Variants in COMMD10 observed in about 807,000 individuals in gnomAD.
COMMD10 encodes the protein COMM domain-containing protein 10.
COMMD10 carries 33 observed loss-of-function variants against 28.9 expected under a neutral mutation model. The observed-to-expected ratio is 1.14, with a 90% CI of 0.87 to 1.53. The LOEUF (loss-of-function observed/expected upper bound fraction) is 1.53, where lower values mean the gene tolerates loss of function less well. Among genes scored for constraint, COMMD10 ranks in the 40% most tolerant of loss-of-function variants. The pLI is 0.00. For synonymous variants in COMMD10, 110 were observed against 81.7 expected, an observed-to-expected ratio of 1.35 and a Z score of -1.87; for missense variants, 310 against 233.4, an observed-to-expected ratio of 1.33 and a Z score of -2.14.
intron 5 of COMMD10, among the ~76,000 whole-genome samples, chr5:116,149,299 A>G (rs1362979297): frequency 7.0e-6 from 1 of 143,716 alleles, no homozygotes; most frequent in Non-Finnish European, 1.5e-5. Context: ...TATTGTGAAT[A>G]GTGCCGCAAT....
chr5:116,266,250 G>A (rs1219635565), intron 5 of COMMD10, among the ~76,000 whole-genome samples: 1 of 151,602 alleles, frequency 6.6e-6, no homozygotes, highest in Non-Finnish European at 1.5e-5. Flanking sequence ...ACCTTTGAAT[G>A]TAATGCATGT....
chr5:116,121,005 TAAG>T (rs1751412236), intron 4 of COMMD10, among the ~76,000 whole-genome samples: 2 of 152,322 alleles, frequency 1.3e-5, no homozygotes, highest in Middle Eastern at 3.4e-3. Context: ...AATTATACTT[TAAG>T]TTCTAGGATA....
chr5:116,092,215 G>A (rs1750320175), intron 3 of COMMD10, among the ~76,000 whole-genome samples: 1 of 152,298 alleles, frequency 6.6e-6, no homozygotes, highest in Admixed American at 6.5e-5. Flanking sequence ...AAATTATTAA[G>A]TGAAATAAAT....
chr5:116,241,583 C>CTTATTTATTTATTTATTTATTTAT (rs61328599), intron 5 of COMMD10, among the ~76,000 whole-genome samples: 3 of 140,448 alleles, frequency 2.1e-5, no homozygotes, highest in Non-Finnish European at 4.6e-5. Context: ...ACTCTGCTTT[C>CTTATTTATTTATTTATTTATTTAT]TTATTTATTT....
intron 5 of COMMD10, among the ~76,000 whole-genome samples, chr5:116,161,562 T>A (rs375395633): frequency 6.6e-6 from 1 of 152,074 alleles, no homozygotes; most frequent in Non-Finnish European, 1.5e-5. Context: ...CCAATAACAG[T>A]CAACACATAT....
intron 5 of COMMD10, among the ~76,000 whole-genome samples, chr5:116,135,497 A>G (rs1208828338): frequency 6.6e-6 from 1 of 152,174 alleles, no homozygotes; most frequent in Non-Finnish European, 1.5e-5. Context: ...CTTAGTGGTT[A>G]GAGTCAAGCT....
In COMMD10 at chr5:116,292,925, A is replaced by G; in HGVS notation, c.*436A>G. On this transcript the variant is annotated 3_prime_UTR_variant, in exon 7 of 7. Coordinates refer to ENST00000274458, the MANE Select transcript of COMMD10 (RefSeq NM_016144.4). ...TAAAATTAAGAAAATAGCCATATAC[A>G]ATCAAATACACTATGGCATTTTTAT... 2.5e-6 allele frequency: 1 copy of G among 396,236 alleles called. No homozygotes were observed. The highest frequency in any genetic ancestry group is 1.3e-4 in the South Asian group (1 of 7,698). 24.5% of individuals were successfully genotyped at this position (396,236 alleles called of 1,614,324 possible).
intron 5 of COMMD10, among the ~76,000 whole-genome samples, chr5:116,273,252 A>G (rs4337887): frequency 0.6 from 90,805 of 151,594 alleles, 31,459 homozygotes; most frequent in South Asian, 0.77. Context: ...TAGTTTTTTC[A>G]TAATATGCAT....
intron 4 of COMMD10, among the ~76,000 whole-genome samples, chr5:116,110,750 A>G (rs1039488098): frequency 6.6e-6 from 1 of 152,212 alleles, no homozygotes; most frequent in Non-Finnish European, 1.5e-5. Context: ...AATCATAGCA[A>G]AAGGTGAAGG....
chr5:116,199,406 C>G (rs1255314847), intron 5 of COMMD10, among the ~76,000 whole-genome samples: 1 of 152,030 alleles, frequency 6.6e-6, no homozygotes, highest in Non-Finnish European at 1.5e-5. Flanking sequence ...TCATCTTTAG[C>G]TTGTCTTTTT....
chr5:116,213,708 T>A (rs1749026219), intron 5 of COMMD10, among the ~76,000 whole-genome samples: 1 of 152,128 alleles, frequency 6.6e-6, no homozygotes, highest in South Asian at 2.1e-4. Context: ...AGATACCATA[T>A]ATTTTTTTAT....
At chr5:116,184,396 T>A (rs1748073775) in intron 5 of COMMD10, among the ~76,000 whole-genome samples, 1 of 152,032 alleles carries the variant, frequency 6.6e-6, no homozygotes, top group Non-Finnish European at 1.5e-5. Flanking sequence ...CTTTTTCTCA[T>A]GATCCTATTA....
chr5:116,148,991 TCCCTCCC>T (rs1255203867), intron 5 of COMMD10, among the ~76,000 whole-genome samples: 2 of 114,348 alleles, frequency 1.7e-5, no homozygotes, highest in Non-Finnish European at 3.6e-5. Context: ...CCTAAAGCTA[TCCCTCCC>T]CCCTCCCCCC....
At chr5:116,149,661 G>A (rs1334136293) in intron 5 of COMMD10, among the ~76,000 whole-genome samples, 2 of 150,122 alleles carry the variant, frequency 1.3e-5, no homozygotes, top group Admixed American at 1.3e-4. Context: ...CTTCTTTTGA[G>A]AAGTGTCTGT....
intron 5 of COMMD10, among the ~76,000 whole-genome samples, chr5:116,249,368 C>G (rs1001043363): frequency 1.3e-5 from 2 of 151,854 alleles, no homozygotes; most frequent in Non-Finnish European, 2.9e-5. Context: ...ACCACAAAAT[C>G]CAGTTTCGTA....
chr5:116,131,556 A>T (rs1751863576), intron 4 of COMMD10, among the ~76,000 whole-genome samples: 1 of 152,008 alleles, frequency 6.6e-6, no homozygotes. Flanking sequence ...TCATGTGAAT[A>T]CTTCTCCTTG....
chr5:116,261,262 G>A (rs1750436388), intron 5 of COMMD10, among the ~76,000 whole-genome samples: 1 of 151,728 alleles, frequency 6.6e-6, no homozygotes, highest in African/African-American at 2.4e-5. Flanking sequence ...CAGAAAAACT[G>A]GATGCAATCA....
chr5:116,257,719 A>T (rs1045538134), intron 5 of COMMD10, among the ~76,000 whole-genome samples: 1 of 151,730 alleles, frequency 6.6e-6, no homozygotes, highest in African/African-American at 2.4e-5. Flanking sequence ...TTCAGAAAGA[A>T]ATAATATATC....
At chr5:116,257,498 G>T (rs1036358107) in intron 5 of COMMD10, among the ~76,000 whole-genome samples, 2 of 151,580 alleles carry the variant, frequency 1.3e-5, no homozygotes. Flanking sequence ...GGGCATTTTA[G>T]CAAAACAATA....
Sources: allele counts gnomAD v4.1 joint callset (sites outside exome capture counted in the v4.1 genomes callset), GRCh38; gene constraint gnomAD v4.1.1; transcripts MANE v1.5; gene names NCBI Gene and HGNC (gene_info 2026-07-23, HGNC 2026-07-21).